Variants in ADAMTS19 observed in about 807,000 individuals in gnomAD.
ADAMTS19 encodes the protein A disintegrin and metalloproteinase with thrombospondin motifs 19.
A neutral mutation model predicts 153.3 loss-of-function variants in ADAMTS19; 93 were observed. That is an observed-to-expected ratio of 0.61 (90% CI 0.51 to 0.72). The LOEUF (loss-of-function observed/expected upper bound fraction) is 0.72. Ranked by LOEUF, ADAMTS19 falls within the 30% of genes least tolerant of loss-of-function variation. The probability of loss-of-function intolerance (pLI) is 0.00; values close to 1 mark genes in which losing one functional copy is unlikely to be tolerated. For missense variants in ADAMTS19, 1,482 were observed against 1,552.1 expected (o/e 0.95, Z 0.76); for synonymous variants, 600 against 556.6 (o/e 1.08, Z -1.10).
intron 14 of ADAMTS19, among the ~76,000 whole-genome samples, chr5:129,657,814 T>C (rs1178367433): frequency 6.6e-6 from 1 of 152,218 alleles, no homozygotes; most frequent in Non-Finnish European, 1.5e-5. Flanking sequence ...ACAATCACTT[T>C]AAAAGTTAAG....
At chr5:129,499,719 T>C (rs1196341514) in intron 2 of ADAMTS19, among the ~76,000 whole-genome samples, 1 of 152,086 alleles carries the variant, frequency 6.6e-6, no homozygotes, top group African/African-American at 2.4e-5. Context: ...AAAATATAGA[T>C]GGTTTAAAAA....
rs147456879 is a variant in ADAMTS19 at position 129,561,535 on chromosome 5, CAA to C, written c.1372+9643_1372+9644del. On this transcript the variant is annotated intron_variant, in intron 7 of 22. Coordinates refer to ENST00000274487, the MANE Select transcript of ADAMTS19 (RefSeq NM_133638.6). ...TGGGTGACAGAGCGAGACTCCGTCT[CAA>C]AAAAAAAAAAAAAAGAAAAATGGAG... Among the ~76,000 whole-genome samples the C allele has an allele frequency of 4.4e-4, 33 of 75,048 alleles. 1 individual carries two copies. Among genetic ancestry groups the C allele is most frequent in the Admixed American group, 1.9e-3 (13 of 6,688 alleles). The allele number at this position is 75,048 out of a possible 152,430, so 49.2% of individuals were successfully genotyped here. A position where few individuals can be genotyped will look rare whatever the true frequency, so the allele number is the denominator to read the frequency against.
chr5:129,628,728 G>A (rs890648231), intron 10 of ADAMTS19, among the ~76,000 whole-genome samples: 4 of 152,004 alleles, frequency 2.6e-5, no homozygotes, highest in South Asian at 2.1e-4. Flanking sequence ...ATTATAGTCC[G>A]TATTTTTACT....
intron 14 of ADAMTS19, among the ~76,000 whole-genome samples, chr5:129,655,232 T>C (rs1011215289): frequency 1.3e-5 from 2 of 152,206 alleles, no homozygotes; most frequent in Non-Finnish European, 2.9e-5. Flanking sequence ...CTGTGGGAAG[T>C]GCTTAAACTG....
At chr5:129,545,234 G>A (rs986668526) in intron 6 of ADAMTS19, among the ~76,000 whole-genome samples, 6 of 152,244 alleles carry the variant, frequency 3.9e-5, no homozygotes. Context: ...GAAAATAAAT[G>A]TTCTCAGGAA....
intron 18 of ADAMTS19, among the ~76,000 whole-genome samples, chr5:129,684,499 G>GCATTATATTACATCACATTA (rs55770530): frequency 7.5e-6 from 1 of 132,612 alleles, no homozygotes; most frequent in Non-Finnish European, 1.6e-5. Context: ...ACTACTCTTT[G>GCATTATATTACATCACATTA]CATTACATTA....
At chr5:129,641,800 G>A in intron 10 of ADAMTS19, 59 bp from the exon 11 acceptor site, 1 of 1,054,032 alleles carries the variant, frequency 9.5e-7, no homozygotes, top group Non-Finnish European at 1.4e-6. Context: ...ACAATGATTG[G>A]CTTCACTTAA....
At chr5:129,482,003 C>G (rs891345178) in intron 2 of ADAMTS19, among the ~76,000 whole-genome samples, 1 of 152,176 alleles carries the variant, frequency 6.6e-6, no homozygotes, top group Non-Finnish European at 1.5e-5. Context: ...CACCTGCATG[C>G]ATTGCCTTTG....
chr5:129,620,572 C>T (rs1402089741), intron 8 of ADAMTS19, 46 bp from the exon 9 acceptor site: 6 of 1,383,646 alleles, frequency 4.3e-6, no homozygotes, highest in East Asian at 2.8e-5. Flanking sequence ...TAACAAGTAA[C>T]ATTTACTTAG....
At chr5:129,618,797 A>C (rs1206339256) in intron 8 of ADAMTS19, among the ~76,000 whole-genome samples, 1 of 151,998 alleles carries the variant, frequency 6.6e-6, no homozygotes, top group African/African-American at 2.4e-5. Context: ...CAGGCTATGC[A>C]TGTACAAAAA....
intron 7 of ADAMTS19, among the ~76,000 whole-genome samples, chr5:129,576,631 C>A (rs1474345254): frequency 6.6e-6 from 1 of 150,990 alleles, no homozygotes; most frequent in Non-Finnish European, 1.5e-5. Context: ...CAAATAGCCC[C>A]TCCTAACCTC....
chr5:129,657,859 G>A (rs772027320), intron 14 of ADAMTS19, among the ~76,000 whole-genome samples: 3 of 152,152 alleles, frequency 2.0e-5, no homozygotes, highest in Non-Finnish European at 2.9e-5. Context: ...GTTCCTTGTT[G>A]AGTAGAAGAA....
At chr5:129,641,828 C>A in intron 10 of ADAMTS19, 31 bp from the exon 11 acceptor site, 1 of 1,404,154 alleles carries the variant, frequency 7.1e-7, no homozygotes, top group South Asian at 1.3e-5. Flanking sequence ...TGATACCTTC[C>A]CCTTATTAGT....
At chr5:129,728,550 C>T (rs13176364) in intron 21 of ADAMTS19, among the ~76,000 whole-genome samples, 1 of 152,102 alleles carries the variant, frequency 6.6e-6, no homozygotes, top group Non-Finnish European at 1.5e-5. Context: ...GAAGCCCCCT[C>T]TCTTGGGGTC....
At chr5:129,512,095 C>T (rs1371324442) in intron 3 of ADAMTS19, among the ~76,000 whole-genome samples, 4 of 151,962 alleles carry the variant, frequency 2.6e-5, no homozygotes, top group Non-Finnish European at 5.9e-5. Flanking sequence ...CTGGTAAGGA[C>T]TTTATCTTCA....
At chr5:129,467,637 A>G (rs1010170066) in intron 2 of ADAMTS19, among the ~76,000 whole-genome samples, 4 of 152,206 alleles carry the variant, frequency 2.6e-5, no homozygotes. Flanking sequence ...GTGCCAGAGG[A>G]TCAGGTAACT....
chr5:129,564,752 G>T (rs1364757686), intron 7 of ADAMTS19, among the ~76,000 whole-genome samples: 1 of 152,134 alleles, frequency 6.6e-6, no homozygotes, highest in Admixed American at 6.6e-5. Context: ...AAGGGGTCGG[G>T]AAAATTGGTC....
At chr5:129,656,970 T>C (rs1581193712) in intron 14 of ADAMTS19, among the ~76,000 whole-genome samples, 1 of 152,208 alleles carries the variant, frequency 6.6e-6, no homozygotes, top group Non-Finnish European at 1.5e-5. Flanking sequence ...CTCAGCTTTT[T>C]CCCCATTGGA....
rs1356977612 is a variant in ADAMTS19, at chr5:129,648,812, C to G, written c.2018C>G (p.Ala673Gly). Residue 673 changes from alanine (A) to glycine (G), a missense_variant, in exon 13 of 23, where the codon GCA (alanine) becomes GGA (glycine). Transcript: ENST00000274487. ...ERKCPGLDSE[A>G]RDCNGPRKQY... ...TTCTTTTCTAGGCTAGATTCTGAAG[C>G]AAGGGATTGTAATGGTCCCAGAAAA... is the stretch of plus-strand genomic sequence containing the variant. 1 of 1,612,390 alleles carries G rather than the reference C, an allele frequency of 6.2e-7. No individual in the cohort carries two copies. Among genetic ancestry groups the G allele is most frequent in the Admixed American group, 1.7e-5 (1 of 59,870 alleles).
Sources: gnomAD v4.1 joint callset for allele counts (sites outside exome capture counted in the v4.1 genomes callset) on GRCh38, gnomAD v4.1.1 for gene constraint, MANE v1.5 for transcripts, NCBI Gene and HGNC (gene_info 2026-07-23, HGNC 2026-07-21) for gene names.